Variants in ACYP2 observed in about 807,000 individuals in gnomAD.
ACYP2 encodes the protein acylphosphatase 2, also known as acylphosphatase-2.
In ACYP2, 12 loss-of-function variants were observed where a neutral mutation model predicts 11.2. That is an observed-to-expected ratio of 1.08 (90% CI 0.69 to 1.74). ACYP2 has a LOEUF of 1.74. Among genes scored for constraint, ACYP2 ranks in the 40% most tolerant of loss-of-function variants. The probability of loss-of-function intolerance (pLI) is 0.00; values close to 1 mark genes in which losing one functional copy is unlikely to be tolerated. For missense variants in ACYP2, 134 were observed against 101.9 expected (o/e 1.31, Z -1.35); for synonymous variants, 43 against 32.2 (o/e 1.33, Z -1.13).
intron 4 of ACYP2, among the ~76,000 whole-genome samples, chr2:54,124,829 A>G: frequency 6.6e-6 from 1 of 152,086 alleles, no homozygotes; most frequent in Non-Finnish European, 1.5e-5. Flanking sequence ...TATCCTCCCT[A>G]ATAGCTGGGA....
Position 54,138,645 on chromosome 2 carries a change from G to T in ACYP2, c.301G>T (p.Glu101Ter). ...TTGTTTTTTCCTGAAACAGTATACA[G>T]AAGATGAAGCTAGGAAAATAGGAGT... Residue 101 changes from glutamate to a stop codon, truncating the protein, a stop_gained, in exon 6 of 7, where the codon GAA becomes TAA. Coordinates refer to ENST00000607452, the MANE Select transcript of ACYP2 (RefSeq NM_001320586.2). LOFTEE classifies it high-confidence loss of function. 1 of 1,613,532 alleles carries T rather than the reference G, an allele frequency of 6.2e-7. No homozygotes were observed. The highest frequency in any genetic ancestry group is 8.5e-7 in the Non-Finnish European group (1 of 1,179,552).
intron 4 of ACYP2, chr2:54,065,899 C>T (rs1373994216): frequency 6.9e-5 from 12 of 172,796 alleles, no homozygotes; most frequent in Non-Finnish European, 1.2e-4. Context: ...AAAACTAATA[C>T]GTGCTGCTTA....
chr2:54,110,270 A>G (rs1679390688), intron 4 of ACYP2, among the ~76,000 whole-genome samples: 1 of 152,130 alleles, frequency 6.6e-6, no homozygotes, highest in Non-Finnish European at 1.5e-5. Context: ...TGAGGATTTT[A>G]AATCAAGCGC....
chr2:53,981,247 C>G (rs961463741), intron 2 of ACYP2, among the ~76,000 whole-genome samples: 1 of 152,054 alleles, frequency 6.6e-6, no homozygotes, highest in African/African-American at 2.4e-5. Flanking sequence ...GGAATTTGAA[C>G]AATGATTTGG....
intron 6 of ACYP2, among the ~76,000 whole-genome samples, chr2:54,247,497 C>A (rs1687012782): frequency 6.6e-6 from 1 of 152,156 alleles, no homozygotes; most frequent in African/African-American, 2.4e-5. Flanking sequence ...TTTTAGCCAA[C>A]AGTGAAAGTA....
intron 6 of ACYP2, among the ~76,000 whole-genome samples, chr2:54,259,990 A>T (rs998303560): frequency 1.3e-5 from 2 of 152,214 alleles, no homozygotes; most frequent in Non-Finnish European, 2.9e-5. Context: ...GTTGATGTGA[A>T]TGATCCAGTA....
intron 2 of ACYP2, among the ~76,000 whole-genome samples, chr2:53,989,452 A>G (rs1012472582): frequency 6.6e-6 from 1 of 152,170 alleles, no homozygotes; most frequent in African/African-American, 2.4e-5. Flanking sequence ...CTTTTAGGGC[A>G]TAGTCCTGCT....
At chr2:54,124,461 G>T (rs1680356642) in intron 4 of ACYP2, among the ~76,000 whole-genome samples, 2 of 152,132 alleles carry the variant, frequency 1.3e-5, no homozygotes, top group South Asian at 4.1e-4. Context: ...CTCCCAAAGT[G>T]CTGGGATTAC....
chr2:54,227,950 T>G (rs1201200129), intron 6 of ACYP2, among the ~76,000 whole-genome samples: 1 of 152,210 alleles, frequency 6.6e-6, no homozygotes, highest in Non-Finnish European at 1.5e-5. Flanking sequence ...AATCATCTTC[T>G]CAGAAAGCTA....
intron 6 of ACYP2, among the ~76,000 whole-genome samples, chr2:54,163,059 A>C (rs1336252398): frequency 3.9e-5 from 6 of 152,210 alleles, no homozygotes; most frequent in Non-Finnish European, 8.8e-5. Flanking sequence ...CAAATCACCC[A>C]GGGCTTTTGT....
In ACYP2 at chr2:54,022,580, A is replaced by C. The variant is rs948561155; in HGVS notation, c.63-28378A>C. On this transcript the variant is annotated intron_variant, in intron 2 of 6. Coordinates refer to ENST00000607452, the MANE Select transcript of ACYP2 (RefSeq NM_001320586.2). ...TTTTAAGTAGATGTGGGGTCTCCCT[A>C]TGTTGCACAGGGTGGTCTTGAATTT... Among the ~76,000 whole-genome samples, 2 of 152,168 alleles carry C rather than the reference A, an allele frequency of 1.3e-5. 1 individual carries two copies. Among genetic ancestry groups the C allele is most frequent in the South Asian group, 4.1e-4 (2 of 4,826 alleles).
chr2:54,170,618 A>G (rs1460366872), intron 6 of ACYP2, among the ~76,000 whole-genome samples: 2 of 151,606 alleles, frequency 1.3e-5, no homozygotes, highest in Non-Finnish European at 2.9e-5. Context: ...AGGCGGTTGG[A>G]AGTATATTCA....
chr2:54,268,493 AC>A (rs1214518825), intron 6 of ACYP2, among the ~76,000 whole-genome samples: 3 of 152,042 alleles, frequency 2.0e-5, no homozygotes, highest in African/African-American at 7.2e-5. Flanking sequence ...ATAGTGATCT[AC>A]CCAATGTATG....
At chr2:54,254,661 C>T (rs868573791) in intron 6 of ACYP2, 7 of 460,952 alleles carry the variant, frequency 1.5e-5, no homozygotes, top group East Asian at 1.1e-4. Context: ...CAGCATCATT[C>T]GCTTCGCTTA....
chr2:54,095,245 T>C (rs559065267), intron 4 of ACYP2, among the ~76,000 whole-genome samples: 76 of 152,358 alleles, frequency 5.0e-4, no homozygotes, highest in South Asian at 4.3e-3. Flanking sequence ...AAATAATTTT[T>C]CTTAGTACAG....
intron 4 of ACYP2, among the ~76,000 whole-genome samples, chr2:54,089,412 A>C (rs1381847276): frequency 6.6e-5 from 10 of 151,902 alleles, no homozygotes; most frequent in Non-Finnish European, 8.8e-5. Flanking sequence ...ATATATATAT[A>C]TCTCCTGGCT....
intron 2 of ACYP2, among the ~76,000 whole-genome samples, chr2:54,034,996 C>G (rs1483478300): frequency 3.1e-5 from 2 of 63,760 alleles, no homozygotes; most frequent in Non-Finnish European, 6.7e-5. Flanking sequence ...GGCGACAGTG[C>G]GAGACTACAT....
At chr2:54,278,262 G>A (rs1688699887) in intron 6 of ACYP2, among the ~76,000 whole-genome samples, 1 of 152,228 alleles carries the variant, frequency 6.6e-6, no homozygotes, top group African/African-American at 2.4e-5. Flanking sequence ...ACAGGCGTCA[G>A]CCACCGCACC....
At chr2:54,191,283 C>T (rs963616787) in intron 6 of ACYP2, among the ~76,000 whole-genome samples, 3 of 152,220 alleles carry the variant, frequency 2.0e-5, no homozygotes, top group African/African-American at 4.8e-5. Context: ...ACCATCCTCT[C>T]TCTCTGATCT....
Sources: gnomAD v4.1 joint callset for allele counts (sites outside exome capture counted in the v4.1 genomes callset) on GRCh38, gnomAD v4.1.1 for gene constraint, MANE v1.5 for transcripts, NCBI Gene and HGNC (gene_info 2026-07-23, HGNC 2026-07-21) for gene names.